ITSN1: variants seen among roughly 807,000 people sequenced by gnomAD.
The protein encoded by ITSN1 is intersectin-1.
ITSN1 carries 58 observed loss-of-function variants against 239.8 expected under a neutral mutation model. The observed-to-expected ratio is 0.24, with a 90% CI of 0.20 to 0.30. ITSN1 has a LOEUF of 0.30. ITSN1 is among the 10% of genes least tolerant of loss of function. ITSN1 has a pLI of 1.00. For missense variants in ITSN1, 1,558 were observed against 2,103.3 expected (o/e 0.74, Z 5.07); for synonymous variants, 780 against 770.8 (o/e 1.01, Z -0.20).
chr21:33,668,233 G>A (rs1388525432), intron 1 of ITSN1, among the ~76,000 whole-genome samples: 5 of 152,182 alleles, frequency 3.3e-5, no homozygotes, highest in Admixed American at 1.3e-4. Context: ...AGTTGAAGAG[G>A]GAGATGGTAT....
At chr21:33,673,584 C>G (rs967454253) in intron 1 of ITSN1, among the ~76,000 whole-genome samples, 11 of 152,190 alleles carry the variant, frequency 7.2e-5, no homozygotes, top group Non-Finnish European at 1.3e-4. Context: ...GATTTAATCT[C>G]TCAAACCTTC....
chr21:33,858,569 C>T, intron 30 of ITSN1, 117 bp from the exon 31 acceptor site: 2 of 612,846 alleles, frequency 3.3e-6, no homozygotes, highest in South Asian at 2.3e-5. Context: ...CACCTCTGGG[C>T]CTCTCAGCCA....
intron 5 of ITSN1, among the ~76,000 whole-genome samples, chr21:33,741,851 C>T (rs575099934): frequency 9.0e-5 from 12 of 133,002 alleles, no homozygotes; most frequent in East Asian, 6.8e-4. Context: ...GCTGAGATCG[C>T]GTCACTGCAC....
At chr21:33,784,863 C>T (rs190177568) in intron 16 of ITSN1, among the ~76,000 whole-genome samples, 5 of 152,352 alleles carry the variant, frequency 3.3e-5, no homozygotes, top group African/African-American at 1.2e-4. Flanking sequence ...AGGAGCCAGT[C>T]TCCTGACTCT....
intron 4 of ITSN1, among the ~76,000 whole-genome samples, chr21:33,727,920 C>T (rs1277271157): frequency 6.6e-6 from 1 of 151,872 alleles, no homozygotes; most frequent in Admixed American, 6.6e-5. Flanking sequence ...TGGGTTCTCT[C>T]TTTCACACTT....
intron 1 of ITSN1, among the ~76,000 whole-genome samples, chr21:33,699,278 C>A (rs2146780992): frequency 6.6e-6 from 1 of 152,108 alleles, no homozygotes; most frequent in Non-Finnish European, 1.5e-5. Context: ...TGAAATTAGA[C>A]CTTTTGAGCA....
intron 4 of ITSN1, among the ~76,000 whole-genome samples, chr21:33,723,167 G>T (rs1439551448): frequency 2.0e-5 from 3 of 152,146 alleles, no homozygotes; most frequent in Non-Finnish European, 4.4e-5. Context: ...TAATAAAAAG[G>T]GTGGCAAATA....
chr21:33,686,577 G>C (rs2091250223), intron 1 of ITSN1, among the ~76,000 whole-genome samples: 1 of 152,132 alleles, frequency 6.6e-6, no homozygotes. Flanking sequence ...TAGAGTTACT[G>C]TTTACAGTGA....
chr21:33,711,711 G>A (rs1192950935), intron 1 of ITSN1, among the ~76,000 whole-genome samples: 2 of 149,078 alleles, frequency 1.3e-5, no homozygotes, highest in East Asian at 4.0e-4. Flanking sequence ...GCTCCAGGTA[G>A]TAAATATATT....
intron 33 of ITSN1, among the ~76,000 whole-genome samples, chr21:33,871,865 T>A (rs1982811148): frequency 6.6e-6 from 1 of 152,196 alleles, no homozygotes; most frequent in Non-Finnish European, 1.5e-5. Flanking sequence ...TCTTGCTACT[T>A]AACCACTGTG....
rs146318076 is a variant in ITSN1, at chr21:33,874,650, C to CTTTTTT, written c.4174-701_4174-700insTTTTTT. Among the ~76,000 whole-genome samples, 8 of 138,836 alleles carry CTTTTTT rather than the reference C, an allele frequency of 5.8e-5. 1 individual carries two copies. The highest frequency in any genetic ancestry group is 7.2e-5 in the Admixed American group (1 of 13,886). The allele number at this position is 138,836 out of a possible 152,430, so 91.1% of individuals were successfully genotyped here. On this transcript the variant is annotated intron_variant, in intron 33 of 39. Transcript: ENST00000381318. ...GAAACAGGGTGAATATTTTCTTTTT[C>CTTTTTT]TTTCTTTTTTTTTTTTTGAGACGGA...
intron 29 of ITSN1, among the ~76,000 whole-genome samples, chr21:33,844,354 AC>A (rs1421195398): frequency 6.6e-6 from 1 of 152,184 alleles, no homozygotes; most frequent in Non-Finnish European, 1.5e-5. Context: ...TTTAAATGTC[AC>A]GTCTGGACTG....
chr21:33,832,676 A>T (rs1003375600), intron 27 of ITSN1, among the ~76,000 whole-genome samples: 3 of 152,188 alleles, frequency 2.0e-5, no homozygotes, highest in African/African-American at 7.2e-5. Flanking sequence ...ATTTGTAACC[A>T]GATGGCTTCA....
At chr21:33,864,361 A>C (rs1441059335) in intron 31 of ITSN1, among the ~76,000 whole-genome samples, 1 of 152,174 alleles carries the variant, frequency 6.6e-6, no homozygotes, top group Non-Finnish European at 1.5e-5. Context: ...GTATAAGCTC[A>C]GTGCCATGCC....
At chr21:33,710,440 A>G (rs1039805333) in intron 1 of ITSN1, among the ~76,000 whole-genome samples, 4 of 152,034 alleles carry the variant, frequency 2.6e-5, no homozygotes, top group African/African-American at 9.7e-5. Context: ...TGTTCACATG[A>G]TCATATGGGC....
At position 33,893,166 on chromosome 21, in the gene ITSN1, G is replaced by A. The variant is rs1027256493; in HGVS notation, c.*4866G>A. ...CCTGCTCTCCTTGTCGCAGTGGCTT[G>A]TACTTCATGTGCAGTAGCCCAGGGC... On this transcript the variant is annotated 3_prime_UTR_variant, in exon 40 of 40. Coordinates refer to ENST00000381318, the MANE Select transcript of ITSN1 (RefSeq NM_003024.3). 6.6e-6 allele frequency: 1 copy of A among 152,262 alleles called. No individual in the cohort carries two copies. The highest frequency in any genetic ancestry group is 1.5e-5 in the Non-Finnish European group (1 of 68,078). The allele number at this position is 152,262 out of a possible 1,614,324, so 9.4% of individuals were successfully genotyped here.
chr21:33,654,019 T>G (rs2088804328), intron 1 of ITSN1, among the ~76,000 whole-genome samples: 1 of 152,036 alleles, frequency 6.6e-6, no homozygotes, highest in African/African-American at 2.4e-5. Flanking sequence ...AATTCCTTCC[T>G]TCTTTCCTTC....
At chr21:33,777,107 A>G (rs184265258) in intron 14 of ITSN1, among the ~76,000 whole-genome samples, 10 of 152,302 alleles carry the variant, frequency 6.6e-5, no homozygotes, top group African/African-American at 2.4e-4. Context: ...GTTGTATCTT[A>G]TATGTTTAGG....
At chr21:33,693,476 C>G (rs1385159597) in intron 1 of ITSN1, among the ~76,000 whole-genome samples, 1 of 152,076 alleles carries the variant, frequency 6.6e-6, no homozygotes, top group East Asian at 1.9e-4. Context: ...CCTGCCTCAG[C>G]CTTGCAAGTA....
Sources: gnomAD v4.1 joint callset for allele counts (sites outside exome capture counted in the v4.1 genomes callset) on GRCh38, gnomAD v4.1.1 for gene constraint, MANE v1.5 for transcripts, NCBI Gene and HGNC (gene_info 2026-07-23, HGNC 2026-07-21) for gene names.